Variants in MAU2 observed in about 807,000 individuals in gnomAD.
MAU2 encodes the protein MAU2 sister chromatid cohesion factor, also known as MAU2 chromatid cohesion factor homolog.
In MAU2, 9 loss-of-function variants were observed where a neutral mutation model predicts 89.1. That is an observed-to-expected ratio of 0.10 (90% confidence interval 0.06 to 0.18). The LOEUF (loss-of-function observed/expected upper bound fraction) is 0.18. MAU2 is among the 10% of genes least tolerant of loss of function. The pLI is 1.00. For missense variants in MAU2, 425 were observed against 803.5 expected, an observed-to-expected ratio of 0.53 and a Z score of 5.69; for synonymous variants, 357 against 343.4, an observed-to-expected ratio of 1.04 and a Z score of -0.44.
At chr19:19,347,888 C>G (rs1310963853) in intron 13 of MAU2, 2 of 152,924 alleles carry the variant, frequency 1.3e-5, no homozygotes, top group African/African-American at 4.8e-5. Flanking sequence ...CCCACTCAGC[C>G]CTGGGATCCC....
chr19:19,355,995 T>C lies in MAU2; in HGVS notation c.*213T>C. Reference sequence around the variant, plus strand: ...GACCCCCAGTGCAGAGGCTCACAGGTGGCACACAGGCGCTGTCTCTCCAGA... The same window carrying C: ...GACCCCCAGTGCAGAGGCTCACAGGCGGCACACAGGCGCTGTCTCTCCAGA... On this transcript the variant is annotated 3_prime_UTR_variant, in exon 19 of 19. Transcript: ENST00000262815. The C allele has an allele frequency of 2.9e-6, 2 of 679,370 alleles. No individual in the cohort carries two copies. The allele number at this position is 679,370 out of a possible 1,614,324, so 42.1% of individuals were successfully genotyped here.
intron 12 of MAU2, 191 bp from the exon 13 acceptor site, chr19:19,347,089 T>G: frequency 1.8e-6 from 1 of 565,364 alleles, no homozygotes; most frequent in Non-Finnish European, 3.2e-6. Flanking sequence ...GTAACGCAGA[T>G]GATGGTTTTA....
At chr19:19,326,913 C>G (rs900167499) in intron 1 of MAU2, among the ~76,000 whole-genome samples, 2 of 150,414 alleles carry the variant, frequency 1.3e-5, no homozygotes, top group East Asian at 1.9e-4. Flanking sequence ...AAAAGAATCC[C>G]CATCAGAGTC....
At chr19:19,337,041 A>C in intron 3 of MAU2, 129 bp from the exon 4 acceptor site, 1 of 674,498 alleles carries the variant, frequency 1.5e-6, no homozygotes, top group Non-Finnish European at 2.6e-6. Flanking sequence ...TGGCAACCCC[A>C]AAAAATCCTT....
Position 19,321,069 on chromosome 19 carries a change from G to C in MAU2, c.210G>C (p.Gln70His). The change falls in exon 1 of 19, where the codon CAG becomes CAC. Residue 70 changes from glutamine (Q) to histidine (H), a missense_variant. Physicochemically the swap from Gln to His is conservative, Grantham distance 24. Coordinates refer to ENST00000262815, the MANE Select transcript of MAU2 (RefSeq NM_015329.4). ...PQRIEARTHL[Q>H]LGSVLYHHTK... The stretch of plus-strand genomic sequence containing the variant: ...GCATCGAGGCCCGTACACACCTGCA[G>C]CTGGGCTCCGTTCTCTATCACCACA... 6.2e-7 allele frequency: 1 copy of C among 1,612,228 alleles called. No homozygotes were observed. Among genetic ancestry groups the C allele is most frequent in the Non-Finnish European group, 8.5e-7 (1 of 1,179,372 alleles).
At chr19:19,330,068 C>G (rs1050683898) in intron 1 of MAU2, among the ~76,000 whole-genome samples, 3 of 151,998 alleles carry the variant, frequency 2.0e-5, no homozygotes, top group Middle Eastern at 3.4e-3. Context: ...CCACTTCTGC[C>G]TCCTGGGCTC....
chr19:19,344,474 C>T (rs188632282), intron 10 of MAU2: 48 of 314,942 alleles, frequency 1.5e-4, no homozygotes, highest in Admixed American at 2.2e-4. Context: ...AAGGGGATAG[C>T]GCACATGGTC....
chr19:19,331,605 A>G (rs2061556060), intron 1 of MAU2, among the ~76,000 whole-genome samples: 1 of 152,074 alleles, frequency 6.6e-6, no homozygotes, highest in Non-Finnish European at 1.5e-5. Context: ...AATATATGCT[A>G]CAAGTCATAC....
chr19:19,344,208 T>A (rs1204083379), intron 10 of MAU2: 2 of 423,374 alleles, frequency 4.7e-6, no homozygotes, highest in East Asian at 9.9e-5. Flanking sequence ...GGCCAGGAGT[T>A]TGAGACCAGC....
chr19:19,351,504 C>A (rs1388105533), intron 16 of MAU2, among the ~76,000 whole-genome samples: 1 of 151,796 alleles, frequency 6.6e-6, no homozygotes, highest in Admixed American at 6.6e-5. Context: ...TCTGAGATCC[C>A]ATCTCTACAA....
chr19:19,338,938 C>T lies in MAU2; in HGVS notation c.550C>T (p.Arg184Trp), dbSNP rs772553325. 1.9e-6 allele frequency: 3 copies of T among 1,610,570 alleles called. No homozygotes were observed. The highest frequency in any genetic ancestry group is 2.2e-5 in the East Asian group (1 of 44,824). ...YARVVGSEYT[R>W]ALFLLSKGML... The stretch of plus-strand genomic sequence containing the variant: ...CCGGGTGGTGGGATCTGAATACACA[C>T]GGTAGGCACCCACTCCCCTCCTTCC... Residue 184 changes from arginine to tryptophan, a missense_variant and splice_region_variant, in exon 5 of 19, where the codon CGG becomes TGG. This residue lies in a region of MAU2 where 119 missense variants were observed against 299.8 expected (regional missense o/e 0.40). Coordinates refer to ENST00000262815, the MANE Select transcript of MAU2 (RefSeq NM_015329.4).
Position 19,349,540 on chromosome 19 carries a change from T to C in MAU2, c.1548+104T>C, listed in dbSNP as rs2061724184. 6 of 1,001,652 alleles carry C rather than the reference T, an allele frequency of 6.0e-6. No homozygotes were observed. The East Asian group carries it at 1.5e-4, about 24-fold the overall frequency. The allele number at this position is 1,001,652 out of a possible 1,614,324, so 62.0% of individuals were successfully genotyped here. On this transcript the variant is annotated intron_variant, in intron 16 of 18. Coordinates refer to ENST00000262815, the MANE Select transcript of MAU2 (RefSeq NM_015329.4). The stretch of plus-strand genomic sequence containing the variant: ...GGGTGGCATGGCACTGTTCATCCTA[T>C]GCCCCTCGAAGAGCACGTCTAGGTG...
In MAU2 at chr19:19,322,799, C is replaced by A. The variant is rs190166864; in HGVS notation, c.276+1664C>A. Among the ~76,000 whole-genome samples, 589 of 152,226 alleles carry A rather than the reference C, an allele frequency of 3.9e-3. 1 individual carries two copies. Among genetic ancestry groups the A allele is most frequent in the Non-Finnish European group, 6.8e-3 (463 of 68,004 alleles). ...TAATCTGAGGTAAATCCAAGCCCAC[C>A]CTCAGCTAGTAACAACTTGCCTTGA... On this transcript the variant is annotated intron_variant, in intron 1 of 18. Transcript: ENST00000262815.
chr19:19,323,279 C>G (rs1196984365), intron 1 of MAU2, among the ~76,000 whole-genome samples: 3 of 151,584 alleles, frequency 2.0e-5, no homozygotes, highest in Non-Finnish European at 4.4e-5. Context: ...ACTGCAACTT[C>G]CGTCTCGTGG....
intron 1 of MAU2, among the ~76,000 whole-genome samples, chr19:19,333,136 T>C (rs539692598): frequency 1.3e-5 from 2 of 151,206 alleles, no homozygotes; most frequent in Non-Finnish European, 2.9e-5. Context: ...AGTCCAACTG[T>C]GTGCTGAATA....
At chr19:19,329,474 G>A (rs1458295778) in intron 1 of MAU2, among the ~76,000 whole-genome samples, 2 of 152,118 alleles carry the variant, frequency 1.3e-5, no homozygotes, top group Non-Finnish European at 2.9e-5. Flanking sequence ...GCCAGGCCCT[G>A]CATTGGTGCT....
Position 19,347,292 on chromosome 19 carries a change from C to G in MAU2, c.1234C>G (p.Gln412Glu). ...FTTALRLTNH[Q>E]ELWAFIVTNL... is the part of the protein sequence containing the mutation. ...CCTCCCATTCCAGCTCACCAACCAC[C>G]AGGAGCTGTGGGCCTTCATCGTCAC... The change falls in exon 13 of 19, where the codon CAG becomes GAG. Residue 412 changes from glutamine to glutamate, a missense_variant. Physicochemically the swap from Gln to Glu is conservative, Grantham distance 29. Transcript: ENST00000262815. 6.2e-7 allele frequency: 1 copy of G among 1,613,722 alleles called. No homozygotes were observed. The highest frequency in any genetic ancestry group is 8.5e-7 in the Non-Finnish European group (1 of 1,179,794).
chr19:19,332,597 C>CAAG (rs10640109), intron 1 of MAU2, among the ~76,000 whole-genome samples: 87,675 of 151,518 alleles, frequency 0.58, 26,638 homozygotes, highest in East Asian at 0.69. Context: ...CGCTAGTGGA[C>CAAG]GCCTTCCACA....
At chr19:19,354,477 C>G (rs552504872) in intron 17 of MAU2, 32 bp downstream of exon 17, 1 of 1,570,400 alleles carries the variant, frequency 6.4e-7, no homozygotes, top group African/African-American at 1.3e-5. Flanking sequence ...CTTCCCCAGC[C>G]CCAGCCTGGC....
Sources: gnomAD v4.1 joint callset for allele counts (sites outside exome capture counted in the v4.1 genomes callset) on GRCh38, gnomAD v4.1.1 for gene constraint, gnomAD v4.1.1 regional missense constraint, MANE v1.5 for transcripts, NCBI Gene and HGNC (gene_info 2026-07-23, HGNC 2026-07-21) for gene names.